Variants in CLEC12A observed in about 807,000 individuals in gnomAD.
The protein encoded by CLEC12A is C-type lectin domain family 12 member A.
Under a neutral mutation model 26.5 loss-of-function variants are expected in CLEC12A, and 22 were observed. The observed-to-expected ratio is 0.83, with a 90% confidence interval of 0.59 to 1.19. CLEC12A has a LOEUF of 1.19. Ranked by LOEUF, CLEC12A falls within the 50% of genes most tolerant of loss-of-function variation. The pLI is 0.00. For missense variants in CLEC12A, 353 were observed against 315.6 expected, an observed-to-expected ratio of 1.12 and a Z score of -0.90; for synonymous variants, 119 against 101.9, an observed-to-expected ratio of 1.17 and a Z score of -1.01.
chr12:9,982,196 T>C (rs1864587988), intron 5 of CLEC12A, 67 bp downstream of exon 5: 9 of 790,534 alleles, frequency 1.1e-5, no homozygotes, highest in South Asian at 8.0e-5. Context: ...TTAGGAGCAC[T>C]GTAGATTCAA....
chr12:9,961,346 C>G (rs1863826516), intron 1 of CLEC12A, among the ~76,000 whole-genome samples: 1 of 152,186 alleles, frequency 6.6e-6, no homozygotes, highest in East Asian at 1.9e-4. Flanking sequence ...GGAGTCCATT[C>G]AGATGGTTGA....
chr12:9,986,269 A>G, downstream of CLEC12A: 2 of 314,250 alleles, frequency 6.4e-6, no homozygotes, highest in Non-Finnish European at 1.3e-5. Context: ...ACCAACTAAA[A>G]ATACGAAGAA....
intron 1 of CLEC12A, among the ~76,000 whole-genome samples, chr12:9,965,190 G>C (rs1489694233): frequency 6.6e-6 from 1 of 152,188 alleles, no homozygotes; most frequent in Non-Finnish European, 1.5e-5. Flanking sequence ...AAAATGGTAA[G>C]GTCAAGTTGT....
intron 1 of CLEC12A, among the ~76,000 whole-genome samples, chr12:9,963,886 G>C (rs1244844781): frequency 1.3e-5 from 2 of 152,190 alleles, no homozygotes; most frequent in Non-Finnish European, 1.5e-5. Context: ...TGCGTAGAGG[G>C]GGAGGTTCGA....
chr12:9,980,448 A>AAAG (rs771489986), intron 3 of CLEC12A, 134 bp from the exon 4 acceptor site: 70 of 837,944 alleles, frequency 8.4e-5, no homozygotes, highest in East Asian at 1.4e-4. Context: ...AAAAAAAAAA[A>AAAG]GGGGGAAAGA....
exon 5 of CLEC12A, chr12:9,995,320 A>C: frequency 7.7e-7 from 1 of 1,293,520 alleles, no homozygotes; most frequent in East Asian, 2.3e-5. Context: ...AAGCTTCATG[A>C]TAAGACGTTG....
chr12:9,967,119 A>T (rs1052685134), upstream of CLEC12A, among the ~76,000 whole-genome samples: 3 of 151,780 alleles, frequency 2.0e-5, no homozygotes, highest in Non-Finnish European at 4.4e-5. Context: ...CTGAGGAAGA[A>T]TTGGGACCTA....
chr12:9,957,853 T>G (rs900450264), intron 1 of CLEC12A, among the ~76,000 whole-genome samples: 1 of 152,218 alleles, frequency 6.6e-6, no homozygotes, highest in Non-Finnish European at 1.5e-5. Flanking sequence ...GACTTCTCTC[T>G]TTGGCTTAGT....
At chr12:9,973,415 GTGTA>G (rs1864207545) in intron 1 of CLEC12A, among the ~76,000 whole-genome samples, 1 of 152,060 alleles carries the variant, frequency 6.6e-6, no homozygotes, top group African/African-American at 2.4e-5. Context: ...GATCAGGCGA[GTGTA>G]CTCCAGTCTG....
the CLEC12A span, among the ~76,000 whole-genome samples, chr12:10,001,881 C>CTTT: frequency 3.1e-4 from 42 of 134,214 alleles, 1 homozygote; most frequent in East Asian, 6.6e-4. Flanking sequence ...TAAACAAAAT[C>CTTT]TTTTTTTTTT....
At chr12:9,997,243 T>G (rs1483763227), downstream of CLEC12A, 4 of 1,613,400 alleles carry the variant, frequency 2.5e-6, no homozygotes, top group Non-Finnish European at 3.4e-6. Context: ...TGTGCGATTT[T>G]CATTCTCACC....
chr12:9,959,773 G>A (rs1035513325), intron 1 of CLEC12A, among the ~76,000 whole-genome samples: 2 of 152,146 alleles, frequency 1.3e-5, no homozygotes. Context: ...CTGGGAAAAG[G>A]TCTTGCCCCT....
chr12:9,987,176 T>C (rs543326090), downstream of CLEC12A, among the ~76,000 whole-genome samples: 1 of 152,340 alleles, frequency 6.6e-6, no homozygotes, highest in East Asian at 1.9e-4. Context: ...CAACAGCTCA[T>C]GAAAGCTGTC....
intron 1 of CLEC12A, among the ~76,000 whole-genome samples, chr12:9,959,888 A>AT (rs1863802964): frequency 6.6e-6 from 1 of 152,002 alleles, no homozygotes; most frequent in African/African-American, 2.4e-5. Context: ...ATGCTTGAGG[A>AT]TTTTTTCCTC....
intron 4 of CLEC12A, chr12:9,991,004 C>CTGT (rs1483800221): frequency 5.9e-5 from 9 of 152,164 alleles, no homozygotes; most frequent in Non-Finnish European, 1.2e-4. Context: ...AGACATAATG[C>CTGT]TGTTGTATAC....
chr12:9,988,171 G>A, downstream of CLEC12A, among the ~76,000 whole-genome samples: 1 of 152,128 alleles, frequency 6.6e-6, no homozygotes, highest in East Asian at 1.9e-4. Context: ...AATTCAACAT[G>A]ATGCAGGAGG....
At position 9,978,998 on chromosome 12, in the gene CLEC12A, G is replaced by C; in HGVS notation, c.124G>C (p.Ala42Pro). ...AGCTCCCTCTCATGTATGGCGTCCA[G>C]CAGCCTTGTTTCTGACTCTTCTGTG... ...PPAPSHVWRP[A>P]ALFLTLLCLL... Residue 42 changes from alanine to proline, a missense_variant, in exon 2 of 6, where the codon GCA (alanine) becomes CCA (proline). By Grantham distance (27) the Ala-to-Pro change is conservative. Coordinates refer to ENST00000304361, the MANE Select transcript of CLEC12A (RefSeq NM_138337.6). The C allele has an allele frequency of 6.2e-7, 1 of 1,613,940 alleles. No homozygotes were observed. Among genetic ancestry groups the C allele is most frequent in the African/African-American group, 1.3e-5 (1 of 75,028 alleles).
chr12:9,999,050 T>C, downstream of CLEC12A: 1 of 1,602,548 alleles, frequency 6.2e-7, no homozygotes, highest in Non-Finnish European at 8.5e-7. Flanking sequence ...AGATGAGAGC[T>C]GGTTTCCGAG....
intron 1 of CLEC12A, among the ~76,000 whole-genome samples, chr12:9,959,179 G>C: frequency 6.6e-6 from 1 of 152,182 alleles, no homozygotes; most frequent in East Asian, 1.9e-4. Flanking sequence ...GGCTGGGCGT[G>C]GTGGCTCACT....
Sources: gnomAD v4.1 joint callset for allele counts (sites outside exome capture counted in the v4.1 genomes callset) on GRCh38, gnomAD v4.1.1 for gene constraint, MANE v1.5 for transcripts, NCBI Gene and HGNC (gene_info 2026-07-23, HGNC 2026-07-21) for gene names.